Variants in TLL2 observed in about 807,000 individuals in gnomAD.
The protein encoded by TLL2 is tolloid like 2.
In TLL2, 106 loss-of-function variants were observed where a neutral mutation model predicts 123.0. The observed-to-expected ratio is 0.86, with a 90% CI of 0.74 to 1.01. The LOEUF is 1.01. TLL2 is among the 50% of genes least tolerant of loss of function. The pLI is 0.00. For missense variants in TLL2, 1,332 were observed against 1,336.7 expected, an observed-to-expected ratio of 1.00 and a Z score of 0.06; for synonymous variants, 494 against 516.8, an observed-to-expected ratio of 0.96 and a Z score of 0.60.
chr10:96,426,255 T>A (rs1179931624), intron 5 of TLL2, among the ~76,000 whole-genome samples: 2 of 152,286 alleles, frequency 1.3e-5, no homozygotes, highest in African/African-American at 4.8e-5. Context: ...TTTCTTCTGC[T>A]GCCGAATTCT....
Position 96,384,638 on chromosome 10 carries a change from T to C in TLL2, c.2143A>G (p.Lys715Glu), listed in dbSNP as rs1383064608. Residue 715 changes from lysine (K) to glutamate (E), a missense_variant, in exon 16 of 21, where the codon AAG (lysine) becomes GAG (glutamate). Coordinates refer to ENST00000357947, the MANE Select transcript of TLL2 (RefSeq NM_012465.4). The stretch of plus-strand genomic sequence containing the variant: ...CGCTTGGAGACGGTGTTGTCGGACT[T>C]GAACTCCACGCGCATGTTGTTGCTC... Reference protein sequence around the residue: ...SQSNNMRVEFKSDNTVSKRGF... With the variant: ...SQSNNMRVEFESDNTVSKRGF... 6.2e-7 allele frequency: 1 copy of C among 1,611,054 alleles called. No homozygotes were observed. Among genetic ancestry groups the C allele is most frequent in the Admixed American group, 1.7e-5 (1 of 59,772 alleles).
intron 10 of TLL2, among the ~76,000 whole-genome samples, chr10:96,403,360 A>G (rs996863756): frequency 2.6e-5 from 4 of 152,194 alleles, no homozygotes; most frequent in Non-Finnish European, 5.9e-5. Context: ...CTGTACTTTA[A>G]ACAATTGCTT....
chr10:96,459,028 A>T (rs1847046711), intron 2 of TLL2, among the ~76,000 whole-genome samples: 1 of 152,246 alleles, frequency 6.6e-6, no homozygotes, highest in Non-Finnish European at 1.5e-5. Context: ...GGAAATGTGT[A>T]TAACTGCAAG....
intron 2 of TLL2, among the ~76,000 whole-genome samples, chr10:96,459,686 AAAAAAAAAAAAAAAAAAAAATATATATAT>A (rs1847054799): frequency 1.8e-5 from 1 of 56,984 alleles, no homozygotes; most frequent in African/African-American, 6.9e-5. Flanking sequence ...AAAAAAAAAA[AAAAAAAAAAAAAAAAAAAAATATATATAT>A]ATATATATAT....
intron 10 of TLL2, among the ~76,000 whole-genome samples, chr10:96,402,714 C>T (rs1846408037): frequency 6.6e-6 from 1 of 152,214 alleles, no homozygotes; most frequent in Non-Finnish European, 1.5e-5. Context: ...GGACAGCTGA[C>T]TACCTGACTG....
intron 16 of TLL2, among the ~76,000 whole-genome samples, chr10:96,380,679 C>A (rs373475647): frequency 4.5e-5 from 4 of 89,572 alleles, no homozygotes; most frequent in Admixed American, 3.6e-4. Context: ...GGCGACAGAG[C>A]GAGACTCTAT....
rs1846031049 is a variant in TLL2, at chr10:96,366,636, T to C, written c.*1452A>G. 1 of 152,542 alleles carries C rather than the reference T, an allele frequency of 6.6e-6. No homozygotes were observed. Among genetic ancestry groups the C allele is most frequent in the African/African-American group, 2.4e-5 (1 of 41,462 alleles). 9.4% of individuals were successfully genotyped at this position (152,542 alleles called of 1,614,324 possible). ...AAAATATAACCTTTCACCTTTTACA[T>C]ATACTTTGTTTAAAATGATGCTGAT... On this transcript the variant is annotated 3_prime_UTR_variant, in exon 21 of 21. Coordinates refer to ENST00000357947, the MANE Select transcript of TLL2 (RefSeq NM_012465.4).
At chr10:96,407,123 GA>G (rs1042273672) in intron 9 of TLL2, among the ~76,000 whole-genome samples, 5 of 151,872 alleles carry the variant, frequency 3.3e-5, no homozygotes, top group Non-Finnish European at 2.9e-5. Flanking sequence ...AACCCCTCAG[GA>G]AACCTCAGTG....
At chr10:96,467,817 G>T (rs1279548263) in intron 2 of TLL2, among the ~76,000 whole-genome samples, 1 of 152,218 alleles carries the variant, frequency 6.6e-6, no homozygotes, top group Non-Finnish European at 1.5e-5. Context: ...AAAGGGGGAT[G>T]CTTGAGAGGC....
At chr10:96,477,870 A>G (rs954747772) in intron 2 of TLL2, among the ~76,000 whole-genome samples, 1 of 152,136 alleles carries the variant, frequency 6.6e-6, no homozygotes, top group Admixed American at 6.5e-5. Context: ...TGCCATCTTC[A>G]TCTGCCTCCA....
intron 3 of TLL2, among the ~76,000 whole-genome samples, chr10:96,445,662 G>A (rs3789955): frequency 0.11 from 16,437 of 152,110 alleles, 1,065 homozygotes; most frequent in Non-Finnish European, 0.15. Flanking sequence ...TTCAACTCAC[G>A]ATCCATGCAC....
At chr10:96,377,722 A>G (rs529306891) in intron 17 of TLL2, among the ~76,000 whole-genome samples, 60 of 152,284 alleles carry the variant, frequency 3.9e-4, no homozygotes, top group African/African-American at 1.4e-3. Flanking sequence ...CAGGAAGGGG[A>G]GGAAACAGCT....
intron 1 of TLL2, among the ~76,000 whole-genome samples, chr10:96,509,882 G>A (rs1189318757): frequency 1.3e-5 from 2 of 152,232 alleles, no homozygotes; most frequent in African/African-American, 2.4e-5. Context: ...GGGAGGCGGA[G>A]CTTGCAGTGA....
At chr10:96,438,062 C>A (rs531156479) in intron 3 of TLL2, among the ~76,000 whole-genome samples, 1 of 152,202 alleles carries the variant, frequency 6.6e-6, no homozygotes, top group South Asian at 2.1e-4. Flanking sequence ...GATTACACCC[C>A]TTCAGTCTTC....
intron 2 of TLL2, among the ~76,000 whole-genome samples, chr10:96,458,852 T>A (rs976695031): frequency 1.3e-5 from 2 of 151,920 alleles, no homozygotes; most frequent in Non-Finnish European, 2.9e-5. Flanking sequence ...TCCAGCACTT[T>A]GGGAGGTCAA....
intron 2 of TLL2, among the ~76,000 whole-genome samples, chr10:96,463,245 A>T (rs10786291): frequency 0.54 from 82,054 of 152,034 alleles, 22,645 homozygotes; most frequent in Middle Eastern, 0.66. Context: ...CTTCCGAGGC[A>T]TTGAGCCTGC....
intron 1 of TLL2, among the ~76,000 whole-genome samples, chr10:96,492,728 C>T (rs1418540701): frequency 1.3e-5 from 2 of 152,222 alleles, no homozygotes; most frequent in Non-Finnish European, 1.5e-5. Flanking sequence ...TACCGCAGGA[C>T]TTCCCAGACC....
intron 3 of TLL2, among the ~76,000 whole-genome samples, chr10:96,438,382 T>C (rs1372241352): frequency 2.0e-5 from 3 of 152,256 alleles, no homozygotes; most frequent in Non-Finnish European, 4.4e-5. Context: ...ATTGCGTATA[T>C]GGCATTGTAT....
rs549449550 is a variant in TLL2, at chr10:96,365,088, A to G, written c.*3000T>C. On this transcript the variant is annotated 3_prime_UTR_variant, in exon 21 of 21. Coordinates refer to ENST00000357947, the MANE Select transcript of TLL2 (RefSeq NM_012465.4). Reference sequence around the variant, plus strand: ...TTATCTTGGGCCACACATAAAATACACTAACGATAGCTGACGAGAAAAAAA... The same window carrying G: ...TTATCTTGGGCCACACATAAAATACGCTAACGATAGCTGACGAGAAAAAAA... 1.3e-5 allele frequency: 2 copies of G among 152,274 alleles called. No homozygotes were observed. The highest frequency in any genetic ancestry group is 4.8e-5 in the African/African-American group (2 of 41,518). 9.4% of individuals were successfully genotyped at this position (152,274 alleles called of 1,614,324 possible). A position where few individuals can be genotyped will look rare whatever the true frequency, so the allele number is the denominator to read the frequency against.
Sources: gnomAD v4.1 joint callset for allele counts (sites outside exome capture counted in the v4.1 genomes callset) on GRCh38, gnomAD v4.1.1 for gene constraint, MANE v1.5 for transcripts, NCBI Gene and HGNC (gene_info 2026-07-23, HGNC 2026-07-21) for gene names.